C1orf21: variants seen among roughly 807,000 people sequenced by gnomAD.
C1orf21 encodes chromosome 1 open reading frame 21, also known as uncharacterized protein C1orf21.
C1orf21 carries 3 observed loss-of-function variants against 18.7 expected under a neutral mutation model. The observed-to-expected ratio is 0.16, with a 90% CI of 0.07 to 0.42. The LOEUF (loss-of-function observed/expected upper bound fraction) is 0.42, where lower values mean the gene tolerates loss of function less well. Among genes scored for constraint, C1orf21 ranks in the 10% least tolerant of loss-of-function variants. The pLI, the probability that C1orf21 is intolerant of heterozygous loss-of-function variation, is 0.99. For synonymous variants in C1orf21, 41 were observed against 46.4 expected (o/e 0.88, Z 0.47); for missense variants, 104 against 143.6 (o/e 0.72, Z 1.41).
intron 1 of C1orf21, among the ~76,000 whole-genome samples, chr1:184,456,918 C>A (rs1322760991): frequency 6.6e-6 from 1 of 152,130 alleles, no homozygotes; most frequent in Non-Finnish European, 1.5e-5. Context: ...GGACCCACAG[C>A]AGCAGTATAT....
intron 1 of C1orf21, among the ~76,000 whole-genome samples, chr1:184,408,125 G>A (rs1166668296): frequency 6.6e-6 from 1 of 152,196 alleles, no homozygotes; most frequent in Non-Finnish European, 1.5e-5. Context: ...AGCAGCTGGA[G>A]AATTAATAAC....
At chr1:184,515,399 C>T (rs1045859125) in intron 3 of C1orf21, among the ~76,000 whole-genome samples, 3 of 152,236 alleles carry the variant, frequency 2.0e-5, no homozygotes, top group Admixed American at 2.0e-4. Flanking sequence ...TCTGACATGT[C>T]CTCAGTTTTT....
intron 1 of C1orf21, among the ~76,000 whole-genome samples, chr1:184,424,886 C>T (rs1656608609): frequency 6.6e-6 from 1 of 152,190 alleles, no homozygotes; most frequent in African/African-American, 2.4e-5. Context: ...TTAGCAGAAG[C>T]ATAGTATTTG....
chr1:184,536,248 G>A (rs142455314), intron 3 of C1orf21, among the ~76,000 whole-genome samples: 3 of 152,098 alleles, frequency 2.0e-5, no homozygotes, highest in Admixed American at 6.5e-5. Flanking sequence ...TTTCTTCCAC[G>A]TACAATGTTG....
chr1:184,556,544 G>A (rs972203551), intron 3 of C1orf21, among the ~76,000 whole-genome samples: 14 of 152,146 alleles, frequency 9.2e-5, no homozygotes, highest in South Asian at 6.2e-4. Flanking sequence ...ACCCTCCACC[G>A]TCTTGGCCAC....
intron 1 of C1orf21, among the ~76,000 whole-genome samples, chr1:184,400,573 T>C (rs746200931): frequency 1.3e-5 from 2 of 152,220 alleles, no homozygotes; most frequent in Non-Finnish European, 2.9e-5. Flanking sequence ...AAATTTCTCA[T>C]TGCATTTTAC....
At chr1:184,464,044 T>C (rs1488285991) in intron 1 of C1orf21, among the ~76,000 whole-genome samples, 1 of 152,204 alleles carries the variant, frequency 6.6e-6, no homozygotes, top group Non-Finnish European at 1.5e-5. Context: ...GATTAGTAGC[T>C]ACAGACTAGA....
At chr1:184,492,194 G>A (rs183457971) in intron 2 of C1orf21, among the ~76,000 whole-genome samples, 29 of 152,342 alleles carry the variant, frequency 1.9e-4, no homozygotes, top group Admixed American at 1.7e-3. Context: ...TTATAGAGAA[G>A]CCATTGACTT....
chr1:184,475,086 T>G (rs12032938), intron 1 of C1orf21, among the ~76,000 whole-genome samples: 19,686 of 152,210 alleles, frequency 0.13, 1,574 homozygotes, highest in East Asian at 0.26. Flanking sequence ...GATTCTTCCC[T>G]TCTCCCACCT....
intron 1 of C1orf21, among the ~76,000 whole-genome samples, chr1:184,404,493 G>A (rs1193671300): frequency 6.6e-6 from 1 of 152,136 alleles, no homozygotes; most frequent in Non-Finnish European, 1.5e-5. Flanking sequence ...CGGGAAAGCA[G>A]AAGAGCCGAG....
intron 1 of C1orf21, among the ~76,000 whole-genome samples, chr1:184,443,224 G>A (rs1470064248): frequency 1.3e-5 from 2 of 152,014 alleles, no homozygotes; most frequent in Non-Finnish European, 2.9e-5. Flanking sequence ...TTATTTCTGT[G>A]GACTGTTCCT....
intron 3 of C1orf21, among the ~76,000 whole-genome samples, chr1:184,522,489 G>A (rs1257595948): frequency 6.6e-6 from 1 of 152,036 alleles, no homozygotes; most frequent in Admixed American, 6.6e-5. Context: ...GGCTCCTGGT[G>A]CGTCTTGTAG....
At chr1:184,520,904 T>A (rs1164615521) in intron 3 of C1orf21, among the ~76,000 whole-genome samples, 2 of 152,214 alleles carry the variant, frequency 1.3e-5, no homozygotes. Context: ...AATATAACTT[T>A]TTTTTTGAGA....
intron 1 of C1orf21, among the ~76,000 whole-genome samples, chr1:184,452,074 AT>A (rs1253403638): frequency 6.6e-6 from 1 of 152,170 alleles, no homozygotes; most frequent in African/African-American, 2.4e-5. Flanking sequence ...CTTAAATGAA[AT>A]TTCCTTCTTA....
At chr1:184,395,046 A>G (rs1459389457) in intron 1 of C1orf21, among the ~76,000 whole-genome samples, 1 of 152,014 alleles carries the variant, frequency 6.6e-6, no homozygotes, top group Non-Finnish European at 1.5e-5. Flanking sequence ...GATCCAAGAT[A>G]TTTCTCAAAT....
chr1:184,389,470 C>T (rs560706361), intron 1 of C1orf21, among the ~76,000 whole-genome samples: 13 of 152,272 alleles, frequency 8.5e-5, no homozygotes, highest in South Asian at 8.3e-4. Flanking sequence ...ATCCCTCCTC[C>T]GCCCCATCTC....
chr1:184,426,618 T>C (rs1656641180), intron 1 of C1orf21, among the ~76,000 whole-genome samples: 1 of 152,220 alleles, frequency 6.6e-6, no homozygotes, highest in East Asian at 1.9e-4. Context: ...CAAACTCCTA[T>C]CTTGATTCTT....
chr1:184,577,947 GTTTTTGT>G (rs1659217124), intron 3 of C1orf21, among the ~76,000 whole-genome samples: 12 of 86,712 alleles, frequency 1.4e-4, no homozygotes, highest in South Asian at 3.6e-4. Flanking sequence ...TTTTTGTTTT[GTTTTTGT>G]TTTTTTTTTT....
intron 1 of C1orf21, among the ~76,000 whole-genome samples, chr1:184,441,177 G>T (rs1027837057): frequency 1.3e-5 from 2 of 152,040 alleles, no homozygotes; most frequent in African/African-American, 4.8e-5. Context: ...GCTTCCTCTT[G>T]GTTTTTGTGA....
Sources: gnomAD v4.1 joint callset for allele counts (sites outside exome capture counted in the v4.1 genomes callset) on GRCh38, gnomAD v4.1.1 for gene constraint, MANE v1.5 for transcripts, NCBI Gene and HGNC (gene_info 2026-07-23, HGNC 2026-07-21) for gene names.